DNAH8: variants seen among roughly 807,000 people sequenced by gnomAD.
DNAH8 encodes the protein dynein axonemal heavy chain 8.
A neutral mutation model predicts 562.1 loss-of-function variants in DNAH8; 382 were observed. That is an observed-to-expected ratio of 0.68 (90% confidence interval 0.63 to 0.74). The LOEUF (loss-of-function observed/expected upper bound fraction) is 0.74, where lower values mean the gene tolerates loss of function less well. Among genes scored for constraint, DNAH8 ranks in the 30% least tolerant of loss-of-function variants. The pLI is 0.00. For synonymous variants in DNAH8, 1,881 were observed against 1,919.4 expected, an observed-to-expected ratio of 0.98 and a Z score of 0.52; for missense variants, 5,203 against 5,620.4, an observed-to-expected ratio of 0.93 and a Z score of 2.37.
chr6:39,007,708 G>T (rs1765884612), intron 88 of DNAH8, among the ~76,000 whole-genome samples: 1 of 152,040 alleles, frequency 6.6e-6, no homozygotes, highest in Admixed American at 6.6e-5. Flanking sequence ...AAGCTCACTG[G>T]CCTTATCTGT....
intron 82 of DNAH8, among the ~76,000 whole-genome samples, 173 bp from the exon 83 acceptor site, chr6:38,971,419 A>G (rs1303256234): frequency 6.7e-6 from 1 of 150,280 alleles, no homozygotes; most frequent in African/African-American, 2.5e-5. Context: ...TCTCTGCTCC[A>G]TGCATTTCTC....
intron 33 of DNAH8, 132 bp downstream of exon 33, chr6:38,838,174 A>T: frequency 5.1e-6 from 3 of 586,384 alleles, no homozygotes; most frequent in Non-Finnish European, 8.8e-6. Context: ...TATTCTCCTT[A>T]TTCCAGCTAT....
chr6:38,741,462 CAA>C (rs56804430), intron 7 of DNAH8, among the ~76,000 whole-genome samples: 2 of 145,208 alleles, frequency 1.4e-5, no homozygotes, highest in African/African-American at 2.5e-5. Context: ...CCCCCCCGAC[CAA>C]AAAAAAAAAC....
intron 53 of DNAH8, among the ~76,000 whole-genome samples, chr6:38,881,549 GTTTTT>G (rs3047883): frequency 2.2e-5 from 3 of 134,008 alleles, no homozygotes; most frequent in Admixed American, 7.6e-5. Flanking sequence ...TGAAATCAAT[GTTTTT>G]TTTTTTTTTT....
chr6:38,995,389 G>T (rs1765070001), intron 88 of DNAH8, among the ~76,000 whole-genome samples: 1 of 152,034 alleles, frequency 6.6e-6, no homozygotes, highest in Non-Finnish European at 1.5e-5. Flanking sequence ...ATCTTTATCA[G>T]GTTTAATTAC....
chr6:38,771,361 T>G (rs905865101), intron 12 of DNAH8, among the ~76,000 whole-genome samples: 9 of 152,174 alleles, frequency 5.9e-5, no homozygotes, highest in African/African-American at 2.2e-4. Context: ...TTTGAAGCTG[T>G]TTTTTAAATT....
At chr6:38,800,184 A>G (rs934004916) in intron 21 of DNAH8, among the ~76,000 whole-genome samples, 7 of 152,152 alleles carry the variant, frequency 4.6e-5, no homozygotes, top group Admixed American at 1.3e-4. Flanking sequence ...TGGCTACTGT[A>G]AAGAATGCTG....
intron 41 of DNAH8, among the ~76,000 whole-genome samples, chr6:38,854,448 A>G (rs1341680609): frequency 1.3e-5 from 2 of 152,198 alleles, no homozygotes; most frequent in African/African-American, 4.8e-5. Flanking sequence ...AGTGCACACA[A>G]AATGAAGACA....
Position 38,722,577 on chromosome 6 carries a change from G to GTGTGT in DNAH8, c.-34-199_-34-198insTGTGT, listed in dbSNP as rs1491079737. Among the ~76,000 whole-genome samples, 3,234 of 150,962 alleles carry GTGTGT rather than the reference G, an allele frequency of 0.021. 77 individuals carry two copies. Among genetic ancestry groups the GTGTGT allele is most frequent in the African/African-American group, 0.06 (2,453 of 41,050 alleles). ...TAAAGTCTGAAAAAGCTCCCAGGTG[G>GTGTGT]GTGGGGGTGTGTGTGTGTGTGTGTG... On this transcript the variant is annotated intron_variant, in intron 1 of 92. Transcript: ENST00000327475.
intron 82 of DNAH8, among the ~76,000 whole-genome samples, chr6:38,960,419 CA>C (rs67399046): frequency 0.85 from 124,069 of 146,216 alleles, 52,736 homozygotes; most frequent in East Asian, 0.98. Flanking sequence ...AACTCAATAG[CA>C]AAAAAAAAAA....
rs1372873777 is a variant in DNAH8 at position 38,873,346 on chromosome 6, G to T, written c.7590G>T (p.Met2530Ile). Residue 2530 changes from methionine to isoleucine, a missense_variant, in exon 52 of 93, where the codon ATG (methionine) becomes ATT (isoleucine). By Grantham distance (10) the Met-to-Ile change is conservative. Coordinates refer to ENST00000327475, the MANE Select transcript of DNAH8 (RefSeq NM_001206927.2). ...TYMKLNLNPK[M>I]QLLECNYIVQ... ...TGAAGCTAAATCTCAATCCCAAAAT[G>T]CAGCTCTTGGAGTGCAACTATATTG... 1 of 1,610,698 alleles carries T rather than the reference G, an allele frequency of 6.2e-7. No individual in the cohort carries two copies. The highest frequency in any genetic ancestry group is 1.7e-4 in the Middle Eastern group (1 of 6,036).
chr6:38,771,213 C>A (rs760360880), intron 12 of DNAH8, among the ~76,000 whole-genome samples: 1 of 152,120 alleles, frequency 6.6e-6, no homozygotes, highest in African/African-American at 2.4e-5. Context: ...GAAAGTAATG[C>A]GGAACATTAC....
At chr6:38,982,914 TG>T (rs773047272) in intron 86 of DNAH8, among the ~76,000 whole-genome samples, 14 of 152,204 alleles carry the variant, frequency 9.2e-5, no homozygotes, top group Non-Finnish European at 1.6e-4. Flanking sequence ...TATGACACTT[TG>T]CAGTTTTCAA....
At chr6:38,759,066 G>A (rs1766220514) in intron 10 of DNAH8, among the ~76,000 whole-genome samples, 1 of 152,144 alleles carries the variant, frequency 6.6e-6, no homozygotes, top group Non-Finnish European at 1.5e-5. Context: ...GCTTTGGGAG[G>A]CTGAGGTGGG....
At chr6:39,029,783 C>A (rs1222062397) in intron 92 of DNAH8, among the ~76,000 whole-genome samples, 2 of 152,210 alleles carry the variant, frequency 1.3e-5, no homozygotes, top group Non-Finnish European at 2.9e-5. Context: ...CAACTCAAAC[C>A]AGACCTCTCA....
chr6:38,788,152 C>T (rs935532228), intron 18 of DNAH8, among the ~76,000 whole-genome samples: 4 of 96,098 alleles, frequency 4.2e-5, no homozygotes, highest in South Asian at 5.0e-4. Flanking sequence ...TCAGACTTTT[C>T]CTGTTTTTTT....
chr6:38,852,688 T>TTACA lies in DNAH8; in HGVS notation c.5467-5_5467-2dup, dbSNP rs1336689841. The TTACA allele has an allele frequency of 3.1e-6, 5 of 1,609,354 alleles. No homozygotes were observed. The highest frequency in any genetic ancestry group is 4.2e-6 in the Non-Finnish European group (5 of 1,176,858). On this transcript the variant is annotated splice_polypyrimidine_tract_variant and splice_region_variant and intron_variant, in intron 39 of 92. Transcript: ENST00000327475. ...CTCATGTGTGACGTTTTCCTCTGTC[T>TTACA]TACAGCCGCATCTCCCTGCAGTATC...
intron 88 of DNAH8, among the ~76,000 whole-genome samples, chr6:38,995,601 A>T (rs1207035210): frequency 6.6e-6 from 1 of 152,148 alleles, no homozygotes; most frequent in Admixed American, 6.5e-5. Context: ...CTAGGAAATT[A>T]TTTGTTTCAT....
chr6:38,921,966 T>G (rs1157881127), intron 71 of DNAH8, among the ~76,000 whole-genome samples: 1 of 151,750 alleles, frequency 6.6e-6, no homozygotes, highest in Non-Finnish European at 1.5e-5. Context: ...GGTCACAAGG[T>G]GCTCAGTGGG....
Sources: gnomAD v4.1 joint callset for allele counts (sites outside exome capture counted in the v4.1 genomes callset) on GRCh38, gnomAD v4.1.1 for gene constraint, MANE v1.5 for transcripts, NCBI Gene and HGNC (gene_info 2026-07-23, HGNC 2026-07-21) for gene names.